MB21D2: variants seen among roughly 807,000 people sequenced by gnomAD.
MB21D2 encodes nucleotidyltransferase MB21D2.
MB21D2 carries 9 observed loss-of-function variants against 33.3 expected under a neutral mutation model. The observed-to-expected ratio is 0.27, with a 90% CI of 0.16 to 0.47. The LOEUF is 0.47. Among genes scored for constraint, MB21D2 ranks in the 20% least tolerant of loss-of-function variants. MB21D2 has a pLI of 0.99. For synonymous variants in MB21D2, 241 were observed against 236.3 expected, an observed-to-expected ratio of 1.02 and a Z score of -0.18; for missense variants, 540 against 624.6, an observed-to-expected ratio of 0.86 and a Z score of 1.44.
At chr3:192,897,455 T>G (rs1344188039) in intron 1 of MB21D2, among the ~76,000 whole-genome samples, 1 of 152,138 alleles carries the variant, frequency 6.6e-6, no homozygotes, top group Non-Finnish European at 1.5e-5. Flanking sequence ...TAGAGATTAG[T>G]GAGGACTGTG....
chr3:192,890,382 G>A (rs1358213161), intron 1 of MB21D2, among the ~76,000 whole-genome samples: 1 of 151,922 alleles, frequency 6.6e-6, no homozygotes, highest in African/African-American at 2.4e-5. Flanking sequence ...CATAATTTGA[G>A]CATATCTTGG....
chr3:192,917,597 A>G lies in MB21D2; in HGVS notation c.211+33T>C, dbSNP rs748351411. On this transcript the variant is annotated intron_variant, in intron 1 of 1. Transcript: ENST00000392452. ...ACTCCGCTTCCCATCACACACACAC[A>G]CGCACACACACCTCCCCCTTTTTCC... 5.0e-6 allele frequency: 8 copies of G among 1,603,712 alleles called. No individual in the cohort carries two copies. The South Asian group carries it at 6.6e-5, about 13-fold the overall frequency.
At chr3:192,831,284 G>A (rs1029665635) in intron 1 of MB21D2, among the ~76,000 whole-genome samples, 15 of 152,112 alleles carry the variant, frequency 9.9e-5, no homozygotes, top group African/African-American at 2.7e-4. Context: ...ATGTGAGTCC[G>A]GTGGAAACTC....
At chr3:192,882,392 G>T (rs918048304) in intron 1 of MB21D2, among the ~76,000 whole-genome samples, 1 of 140,464 alleles carries the variant, frequency 7.1e-6, no homozygotes, top group South Asian at 2.3e-4. Context: ...AAACAAAATG[G>T]CCAAATGAAT....
chr3:192,847,729 T>G (rs139062116), intron 1 of MB21D2, among the ~76,000 whole-genome samples: 2 of 152,330 alleles, frequency 1.3e-5, no homozygotes, highest in East Asian at 3.9e-4. Flanking sequence ...CTTACTTTAT[T>G]AACTGGCTAA....
intron 1 of MB21D2, among the ~76,000 whole-genome samples, chr3:192,835,449 C>CT (rs371919181): frequency 2.2e-5 from 2 of 89,736 alleles, no homozygotes; most frequent in African/African-American, 1.1e-4. Context: ...CAGCGAGACT[C>CT]TGTCTCAAAA....
intron 1 of MB21D2, among the ~76,000 whole-genome samples, chr3:192,804,987 T>C (rs1050280682): frequency 1.3e-5 from 2 of 152,220 alleles, no homozygotes; most frequent in African/African-American, 4.8e-5. Flanking sequence ...AGAAATCATC[T>C]ATCTGAAGAA....
Position 192,917,688 on chromosome 3 carries a change from G to A in MB21D2, c.153C>T (p.Tyr51=). 6.2e-7 allele frequency: 1 copy of A among 1,614,158 alleles called. No individual in the cohort carries two copies. Among genetic ancestry groups the A allele is most frequent in the Non-Finnish European group, 8.5e-7 (1 of 1,180,036 alleles). The part of the protein sequence containing the change: ...QEFTKHDQRE[Y]DDQRALEIHT... The stretch of plus-strand genomic sequence containing the variant: ...GAATCTCCAGCGCTCTCTGGTCGTC[G>A]TATTCCCGCTGGTCGTGCTTCGTAA... The change falls in exon 1 of 2, where the codon TAC becomes TAT. Residue 51 remains tyrosine, a synonymous_variant. Coordinates refer to ENST00000392452, the MANE Select transcript of MB21D2 (RefSeq NM_178496.4).
At chr3:192,844,410 G>T (rs1425028695) in intron 1 of MB21D2, among the ~76,000 whole-genome samples, 1 of 152,214 alleles carries the variant, frequency 6.6e-6, no homozygotes, top group Non-Finnish European at 1.5e-5. Context: ...TTCAGAGGCA[G>T]AAGTATCTCT....
At chr3:192,895,607 C>A (rs1392602922) in intron 1 of MB21D2, among the ~76,000 whole-genome samples, 2 of 152,174 alleles carry the variant, frequency 1.3e-5, no homozygotes, top group Non-Finnish European at 2.9e-5. Flanking sequence ...ATCCAGAAAA[C>A]TATTAAAGAA....
intron 1 of MB21D2, 26 bp downstream of exon 1, chr3:192,917,604 C>T: frequency 3.1e-6 from 5 of 1,612,096 alleles, no homozygotes; most frequent in Non-Finnish European, 4.2e-6. Flanking sequence ...CACACGCACA[C>T]ACACCTCCCC....
At chr3:192,863,258 C>T (rs1362088552) in intron 1 of MB21D2, among the ~76,000 whole-genome samples, 1 of 152,184 alleles carries the variant, frequency 6.6e-6, no homozygotes, top group Admixed American at 6.5e-5. Flanking sequence ...CTGCCAGGTC[C>T]TTGAGTTCAG....
At chr3:192,878,462 G>A (rs1713489504) in intron 1 of MB21D2, among the ~76,000 whole-genome samples, 1 of 152,172 alleles carries the variant, frequency 6.6e-6, no homozygotes, top group South Asian at 2.1e-4. Flanking sequence ...ACTTTCAATA[G>A]AATAAAGACT....
At chr3:192,884,649 G>A (rs1413103971) in intron 1 of MB21D2, among the ~76,000 whole-genome samples, 1 of 152,126 alleles carries the variant, frequency 6.6e-6, no homozygotes, top group Non-Finnish European at 1.5e-5. Flanking sequence ...TTACAGGCGT[G>A]AGCCATCGCA....
At chr3:192,913,689 G>C (rs1225989228) in intron 1 of MB21D2, among the ~76,000 whole-genome samples, 3 of 151,980 alleles carry the variant, frequency 2.0e-5, no homozygotes, top group Non-Finnish European at 4.4e-5. Flanking sequence ...AAAATTAGCT[G>C]GGCACGGTGG....
At chr3:192,867,297 T>G (rs1346430103) in intron 1 of MB21D2, among the ~76,000 whole-genome samples, 1 of 152,170 alleles carries the variant, frequency 6.6e-6, no homozygotes, top group Non-Finnish European at 1.5e-5. Context: ...TCTCTCTCTC[T>G]GGCTGAGAAA....
intron 1 of MB21D2, among the ~76,000 whole-genome samples, chr3:192,801,295 GATTT>G (rs1252076855): frequency 1.3e-5 from 2 of 152,116 alleles, no homozygotes; most frequent in South Asian, 2.1e-4. Flanking sequence ...GTCATCCTGT[GATTT>G]ATTTAACAGT....
intron 1 of MB21D2, among the ~76,000 whole-genome samples, chr3:192,885,613 C>T (rs1283573227): frequency 6.6e-6 from 1 of 152,026 alleles, no homozygotes; most frequent in East Asian, 1.9e-4. Flanking sequence ...TCTTTAAAAC[C>T]ACCATTCGTC....
chr3:192,799,549 G>T lies in MB21D2; in HGVS notation c.313C>A (p.Leu105Ile). The T allele has an allele frequency of 6.2e-7, 1 of 1,614,184 alleles. No homozygotes were observed. The highest frequency in any genetic ancestry group is 8.5e-7 in the Non-Finnish European group (1 of 1,180,042). ...TCAGTACCCCGGGCATAGACATTAAGCTCATCTAAGTCCAGGTCCACCACG... is the reference window on the plus strand; with the variant it reads ...TCAGTACCCCGGGCATAGACATTAATCTCATCTAAGTCCAGGTCCACCACG... ...EGVVDLDLDE[L>I]NVYARGTDYD... The change falls in exon 2 of 2, where the codon CTT becomes ATT. Residue 105 changes from leucine to isoleucine, a missense_variant. Physicochemically the swap from Leu to Ile is conservative, Grantham distance 5. Coordinates refer to ENST00000392452, the MANE Select transcript of MB21D2 (RefSeq NM_178496.4). This position sits in a 1 kb window ranked among gnomAD's most constrained non-coding sequence, Gnocchi z 4.1.
Sources: allele counts gnomAD v4.1 joint callset (sites outside exome capture counted in the v4.1 genomes callset), GRCh38; gene constraint gnomAD v4.1.1; non-coding constraint Gnocchi (gnomAD v3.1); transcripts MANE v1.5; gene names NCBI Gene and HGNC (gene_info 2026-07-23, HGNC 2026-07-21).